The following WNT8A variants were observed in gnomAD, a reference collection of about 807,000 sequenced individuals.
WNT8A encodes the protein Wnt family member 8A, also known as protein Wnt-8a.
In WNT8A, 14 loss-of-function variants were observed where a neutral mutation model predicts 20.5. The observed-to-expected ratio is 0.68, with a 90% CI of 0.45 to 1.07. The LOEUF (loss-of-function observed/expected upper bound fraction) is 1.07, where lower values mean the gene tolerates loss of function less well. Among genes scored for constraint, WNT8A ranks in the 50% least tolerant of loss-of-function variants. The probability of loss-of-function intolerance (pLI) is 0.00; values close to 1 mark genes in which losing one functional copy is unlikely to be tolerated. For synonymous variants in WNT8A, 167 were observed against 169.2 expected, an observed-to-expected ratio of 0.99 and a Z score of 0.10; for missense variants, 397 against 462.9, an observed-to-expected ratio of 0.86 and a Z score of 1.31.
chr5:138,087,496 T>C (rs1581359637), intron 2 of WNT8A, among the ~76,000 whole-genome samples: 1 of 149,062 alleles, frequency 6.7e-6, no homozygotes, highest in African/African-American at 2.5e-5. Flanking sequence ...CTACTAGAAA[T>C]ACAAAAATTA....
intron 2 of WNT8A, among the ~76,000 whole-genome samples, chr5:138,085,765 G>A (rs762542861): frequency 8.8e-5 from 13 of 147,524 alleles, no homozygotes; most frequent in South Asian, 2.1e-4. Context: ...GAGTTGGGAG[G>A]ATTTCTGGAA....
At chr5:138,078,033 C>T in the WNT8A span, among the ~76,000 whole-genome samples, 15 of 152,122 alleles carry the variant, frequency 9.9e-5, no homozygotes, top group African/African-American at 3.4e-4. Flanking sequence ...ACACCTGGAA[C>T]CCTGAATCTG....
intron 4 of WNT8A, among the ~76,000 whole-genome samples, chr5:138,089,698 G>C (rs1435302719): frequency 2.6e-5 from 4 of 152,214 alleles, no homozygotes; most frequent in Admixed American, 1.3e-4. Context: ...GTCTTACTCT[G>C]TCTCCCAGGC....
At position 138,084,058 on chromosome 5, in the gene WNT8A, G is replaced by C. The variant is rs745364687; in HGVS notation, c.-70G>C. On this transcript the variant is annotated 5_prime_UTR_variant, in exon 1 of 5. Coordinates refer to ENST00000506684, the MANE Select transcript of WNT8A (RefSeq NM_001300939.2). Reference sequence around the variant, plus strand: ...CTCACTTCTCTGGACTTGGCCCTGAGCTGGACCTGGTCCACTGGGGTAGGC... The same window carrying C: ...CTCACTTCTCTGGACTTGGCCCTGACCTGGACCTGGTCCACTGGGGTAGGC... 2 of 1,603,774 alleles carry C rather than the reference G, an allele frequency of 1.2e-6. No individual in the cohort carries two copies. Among genetic ancestry groups the C allele is most frequent in the African/African-American group, 1.3e-5 (1 of 74,876 alleles).
At chr5:138,082,715 A>G (rs1426826632), upstream of WNT8A, among the ~76,000 whole-genome samples, 1 of 151,628 alleles carries the variant, frequency 6.6e-6, no homozygotes, top group Non-Finnish European at 1.5e-5. Context: ...CGTCTCTACT[A>G]AAAATACAAA....
upstream of WNT8A, among the ~76,000 whole-genome samples, chr5:138,081,141 G>A (rs1750501044): frequency 6.6e-6 from 1 of 151,514 alleles, no homozygotes; most frequent in East Asian, 1.9e-4. Context: ...CAGGAGAATG[G>A]CGTGAACAAG....
the WNT8A span, among the ~76,000 whole-genome samples, chr5:138,078,093 G>C: frequency 1.3e-5 from 2 of 152,008 alleles, no homozygotes; most frequent in Non-Finnish European, 2.9e-5. Flanking sequence ...ATATTGTTGG[G>C]GAACTTGGCA....
chr5:138,084,293 T>C lies in WNT8A; in HGVS notation c.156+10T>C. On this transcript the variant is annotated intron_variant, in intron 1 of 4. Coordinates refer to ENST00000506684, the MANE Select transcript of WNT8A (RefSeq NM_001300939.2). Reference sequence around the variant, plus strand: ...GATAACAGGTCCCAAGGTAGGATGATCTCCAGCTTCTGTTTTTACCCACTG... The same window carrying C: ...GATAACAGGTCCCAAGGTAGGATGACCTCCAGCTTCTGTTTTTACCCACTG... 2 of 1,613,808 alleles carry C rather than the reference T, an allele frequency of 1.2e-6. No homozygotes were observed. Among genetic ancestry groups the C allele is most frequent in the Non-Finnish European group, 1.7e-6 (2 of 1,179,836 alleles).
chr5:138,091,923 A>G (rs868829970), downstream of WNT8A, among the ~76,000 whole-genome samples: 1 of 152,042 alleles, frequency 6.6e-6, no homozygotes, highest in African/African-American at 2.4e-5. Context: ...GCCTGGGGAA[A>G]CCAGCACCCA....
intron 2 of WNT8A, 131 bp from the exon 3 acceptor site, chr5:138,087,668 AAAAAAAG>A: frequency 9.1e-6 from 8 of 881,144 alleles, no homozygotes; most frequent in South Asian, 6.6e-5. Context: ...AAAAAAAAAA[AAAAAAAG>A]AAAGAAAAGC....
Position 138,084,542 on chromosome 5 carries a change from T to G in WNT8A, c.201T>G (p.Ser67Arg). The G allele has an allele frequency of 6.2e-7, 1 of 1,613,506 alleles. No homozygotes were observed. Among genetic ancestry groups the G allele is most frequent in the South Asian group, 1.1e-5 (1 of 90,972 alleles). ...CTAGTGTGGCCTTGGGTGCCCAGAG[T>G]GGCATCGAGGAGTGCAAGTTCCAGT... ...YTTSVALGAQ[S>R]GIEECKFQFA... Residue 67 changes from serine to arginine, a missense_variant, in exon 2 of 5, where the codon AGT (serine) becomes AGG (arginine). Transcript: ENST00000506684.
intron 2 of WNT8A, among the ~76,000 whole-genome samples, chr5:138,087,008 TGCACTCCAGCCTGGACAACAGA>T (rs1750686895): frequency 6.6e-6 from 1 of 151,126 alleles, no homozygotes; most frequent in Non-Finnish European, 1.5e-5. Context: ...ATCGCGCTAC[TGCACTCCAGCCTGGACAACAGA>T]GTAAGAGCCT....
chr5:138,080,447 T>TG (rs962246511), upstream of WNT8A, among the ~76,000 whole-genome samples: 7 of 94,568 alleles, frequency 7.4e-5, no homozygotes, highest in Non-Finnish European at 1.6e-4. Flanking sequence ...AAATCTTGTT[T>TG]TTTTTTTTTT....
upstream of WNT8A, among the ~76,000 whole-genome samples, chr5:138,079,292 A>G (rs1424542578): frequency 6.8e-6 from 1 of 147,680 alleles, no homozygotes; most frequent in Non-Finnish European, 1.5e-5. Context: ...ATATAAACTT[A>G]TAATTATATT....
At position 138,091,080 on chromosome 5, in the gene WNT8A, C is replaced by T; in HGVS notation, c.*7C>T. 6.2e-7 allele frequency: 1 copy of T among 1,602,946 alleles called. No homozygotes were observed. The highest frequency in any genetic ancestry group is 8.5e-7 in the Non-Finnish European group (1 of 1,173,590). On this transcript the variant is annotated 3_prime_UTR_variant, in exon 5 of 5. Coordinates refer to ENST00000506684, the MANE Select transcript of WNT8A (RefSeq NM_001300939.2). ...GGGTAAGGGCAGTGCCTGATAATACCCCACACAAGTTCACTTGATTAATTG... is the reference window on the plus strand; with the variant it reads ...GGGTAAGGGCAGTGCCTGATAATACTCCACACAAGTTCACTTGATTAATTG...
rs777906224 is a variant in WNT8A at position 138,090,637 on chromosome 5, A to G, written c.674A>G (p.Tyr225Cys). Residue 225 changes from tyrosine (Y) to cysteine (C), a missense_variant, in exon 5 of 5, where the codon TAC becomes TGC. Coordinates refer to ENST00000506684, the MANE Select transcript of WNT8A (RefSeq NM_001300939.2). ...GCTGAATTCCGGGAGATGGGAGACT[A>G]CCTAAAGGCCAAGTATGACCAGGCG... ...QLAEFREMGD[Y>C]LKAKYDQALK... The G allele has an allele frequency of 1.2e-6, 2 of 1,614,094 alleles. No homozygotes were observed.
upstream of WNT8A, among the ~76,000 whole-genome samples, chr5:138,080,444 G>GTTTTTTTTTTTTTTTTTTT (rs371833243): frequency 5.4e-5 from 3 of 55,996 alleles, no homozygotes; most frequent in African/African-American, 6.6e-5. Flanking sequence ...TGTAAATCTT[G>GTTTTTTTTTTTTTTTTTTT]TTTTTTTTTT....
intron 2 of WNT8A, among the ~76,000 whole-genome samples, chr5:138,085,771 T>C (rs528516065): frequency 1.4e-5 from 2 of 147,450 alleles, no homozygotes; most frequent in South Asian, 4.2e-4. Flanking sequence ...GGAGGATTTC[T>C]GGAACCCAGG....
upstream of WNT8A, among the ~76,000 whole-genome samples, chr5:138,079,792 A>G (rs1750455056): frequency 6.6e-6 from 1 of 152,222 alleles, no homozygotes. Flanking sequence ...GAGACAATAG[A>G]GCTGGGATTA....
Sources: allele counts gnomAD v4.1 joint callset (sites outside exome capture counted in the v4.1 genomes callset), GRCh38; gene constraint gnomAD v4.1.1; transcripts MANE v1.5; gene names NCBI Gene and HGNC (gene_info 2026-07-23, HGNC 2026-07-21).